TASP1: variants seen among roughly 807,000 people sequenced by gnomAD.
The protein encoded by TASP1 is threonine aspartase 1.
A neutral mutation model predicts 56.6 loss-of-function variants in TASP1; 16 were observed. That is an observed-to-expected ratio of 0.28 (90% CI 0.19 to 0.43). TASP1 has a LOEUF of 0.43. Among genes scored for constraint, TASP1 ranks in the 20% least tolerant of loss-of-function variants. TASP1 has a pLI of 1.00. For missense variants in TASP1, 393 were observed against 511.6 expected (o/e 0.77, Z 2.24); for synonymous variants, 179 against 184.2 (o/e 0.97, Z 0.23).
chr20:13,483,095 A>T, intron 11 of TASP1, 132 bp downstream of exon 11: 1 of 562,612 alleles, frequency 1.8e-6, no homozygotes, highest in African/African-American at 1.9e-5. Flanking sequence ...ATCAGTATTA[A>T]CTGTGGTTCT....
At chr20:13,232,160 A>G in the TASP1 span, among the ~76,000 whole-genome samples, 1 of 152,342 alleles carries the variant, frequency 6.6e-6, no homozygotes, top group African/African-American at 2.4e-5. Flanking sequence ...ATTTTTTTAA[A>G]TACAGCTTTG....
At chr20:13,265,479 C>T in the TASP1 span, among the ~76,000 whole-genome samples, 1 of 152,102 alleles carries the variant, frequency 6.6e-6, no homozygotes, top group Non-Finnish European at 1.5e-5. Flanking sequence ...GATCTGTGAG[C>T]AATGGGGGCC....
At chr20:13,394,348 C>T (rs868495312) in intron 13 of TASP1, among the ~76,000 whole-genome samples, 132 of 146,882 alleles carry the variant, frequency 9.0e-4, no homozygotes, top group Middle Eastern at 3.6e-3. Context: ...CGGTAGCTCA[C>T]GCCTGTAATC....
chr20:13,385,703 A>G (rs1481445714), downstream of TASP1, among the ~76,000 whole-genome samples: 1 of 152,240 alleles, frequency 6.6e-6, no homozygotes, highest in African/African-American at 2.4e-5. Context: ...AGGAACCAGA[A>G]AAGGGGAGAA....
intron 4 of TASP1, among the ~76,000 whole-genome samples, chr20:13,588,841 G>A (rs978869953): frequency 9.2e-5 from 14 of 151,962 alleles, no homozygotes; most frequent in Non-Finnish European, 1.2e-4. Flanking sequence ...TGCAAGAGAC[G>A]CAGAATAACC....
the TASP1 span, chr20:13,154,264 T>G: frequency 8.1e-7 from 1 of 1,234,346 alleles, no homozygotes; most frequent in Non-Finnish European, 1.1e-6. Flanking sequence ...CTCGTACGGC[T>G]TCTCGGAAGC....
intron 4 of TASP1, among the ~76,000 whole-genome samples, chr20:13,587,834 G>A (rs1244433167): frequency 1.3e-5 from 2 of 152,082 alleles, no homozygotes; most frequent in East Asian, 1.9e-4. Context: ...GGGGATCAAT[G>A]AAAAGGCCAG....
At chr20:13,417,927 A>G (rs2042313412) in intron 12 of TASP1, among the ~76,000 whole-genome samples, 1 of 152,110 alleles carries the variant, frequency 6.6e-6, no homozygotes, top group Non-Finnish European at 1.5e-5. Flanking sequence ...TTCTTTCCTT[A>G]TTGAGACGGA....
At chr20:13,297,837 T>A in the TASP1 span, among the ~76,000 whole-genome samples, 1 of 152,178 alleles carries the variant, frequency 6.6e-6, no homozygotes, top group African/African-American at 2.4e-5. Flanking sequence ...CTTCTGGGGG[T>A]AGATTTTGAC....
At chr20:13,409,369 T>G (rs916728328) in intron 13 of TASP1, among the ~76,000 whole-genome samples, 1 of 152,016 alleles carries the variant, frequency 6.6e-6, no homozygotes, top group African/African-American at 2.4e-5. Context: ...GACTACAGAT[T>G]TGTCTATTAC....
the TASP1 span, among the ~76,000 whole-genome samples, chr20:13,356,938 C>T: frequency 6.6e-6 from 1 of 152,156 alleles, no homozygotes; most frequent in East Asian, 1.9e-4. Context: ...AGATTTCCAC[C>T]CTTGTTTGTA....
At chr20:13,152,220 A>G in the TASP1 span, among the ~76,000 whole-genome samples, 1 of 152,202 alleles carries the variant, frequency 6.6e-6, no homozygotes, top group Non-Finnish European at 1.5e-5. Context: ...ATAGGATTAC[A>G]GTTCTTACAC....
At chr20:13,275,380 A>C in the TASP1 span, among the ~76,000 whole-genome samples, 8 of 152,196 alleles carry the variant, frequency 5.3e-5, no homozygotes, top group Non-Finnish European at 1.2e-4. Context: ...GAGGAATGGC[A>C]GGTCTGGCTG....
rs950060138 is a variant in TASP1, at chr20:13,559,129, T to C, written c.569-15A>G. 6.9e-7 allele frequency: 1 copy of C among 1,456,596 alleles called. No individual in the cohort carries two copies. Among genetic ancestry groups the C allele is most frequent in the Non-Finnish European group, 9.3e-7 (1 of 1,079,322 alleles). 90.2% of individuals were successfully genotyped at this position (1,456,596 alleles called of 1,614,324 possible). On this transcript the variant is annotated splice_polypyrimidine_tract_variant and intron_variant, in intron 7 of 13. Coordinates refer to ENST00000337743, the MANE Select transcript of TASP1 (RefSeq NM_017714.3). The stretch of plus-strand genomic sequence containing the variant: ...TAAACTGAATCCTATAAAATAAAAA[T>C]AAAAAACATTAAATATAACATTTAA...
chr20:13,532,224 T>C (rs892862692), intron 9 of TASP1, among the ~76,000 whole-genome samples: 6 of 152,200 alleles, frequency 3.9e-5, no homozygotes, highest in Non-Finnish European at 5.9e-5. Context: ...CCATTCACCA[T>C]CTGCACTGCT....
the TASP1 span, among the ~76,000 whole-genome samples, chr20:13,373,540 T>C: frequency 9.2e-5 from 14 of 152,038 alleles, no homozygotes; most frequent in African/African-American, 2.7e-4. Flanking sequence ...TCTTGGTTGA[T>C]TGTTGTTGTT....
chr20:13,516,230 A>G (rs946703348), intron 10 of TASP1, among the ~76,000 whole-genome samples: 1 of 152,138 alleles, frequency 6.6e-6, no homozygotes, highest in Non-Finnish European at 1.5e-5. Flanking sequence ...GAGGGAACCA[A>G]GGTGGCAAAC....
In TASP1 at chr20:13,587,286, T is replaced by C; in HGVS notation, c.367A>G (p.Lys123Glu). 6.2e-7 allele frequency: 1 copy of C among 1,613,052 alleles called. No individual in the cohort carries two copies. Among genetic ancestry groups the C allele is most frequent in the Non-Finnish European group, 8.5e-7 (1 of 1,179,634 alleles). ...IECDASIMDG[K>E]SLNFGAVGAL... ...CCAACTGCTCCAAAATTTAAGGATT[T>C]TCCATCCATTATGCTGGCATCACAC... The change falls in exon 5 of 14, where the codon AAA (lysine) becomes GAA (glutamate). Residue 123 changes from lysine to glutamate, a missense_variant. Lys to Glu is a moderately conservative substitution (Grantham distance 56). This residue lies in a region of TASP1 where 48 missense variants were observed against 106.2 expected (regional missense o/e 0.45). Coordinates refer to ENST00000337743, the MANE Select transcript of TASP1 (RefSeq NM_017714.3).
At chr20:13,252,364 A>C in the TASP1 span, among the ~76,000 whole-genome samples, 31,299 of 152,126 alleles carry the variant, frequency 0.21, 3,511 homozygotes, top group African/African-American at 0.3. Flanking sequence ...AGGAAAAGTA[A>C]AAGTTAGGTG....
Sources: allele counts gnomAD v4.1 joint callset (sites outside exome capture counted in the v4.1 genomes callset), GRCh38; gene constraint gnomAD v4.1.1; regional missense constraint gnomAD v4.1.1; transcripts MANE v1.5; gene names NCBI Gene and HGNC (gene_info 2026-07-23, HGNC 2026-07-21).